PDCD6IP: variants seen among roughly 807,000 people sequenced by gnomAD.
PDCD6IP encodes programmed cell death 6-interacting protein.
A neutral mutation model predicts 103.7 loss-of-function variants in PDCD6IP; 43 were observed. The ratio of observed to expected loss-of-function variants is 0.41; its 90% CI spans 0.32 to 0.53. PDCD6IP has a LOEUF of 0.53. Among genes scored for constraint, PDCD6IP ranks in the 20% least tolerant of loss-of-function variants. PDCD6IP has a pLI of 0.16. For synonymous variants in PDCD6IP, 354 were observed against 378.7 expected (o/e 0.93, Z 0.76); for missense variants, 871 against 1,036.7 (o/e 0.84, Z 2.20).
chr3:33,825,239 G>T lies in PDCD6IP; in HGVS notation c.515G>T (p.Ser172Ile). The change falls in exon 5 of 18, where the codon AGT (serine) becomes ATT (isoleucine). Residue 172 changes from serine to isoleucine, a missense_variant. By Grantham distance (142) the Ser-to-Ile change is moderately radical. Around this residue, in one of 5 missense-constraint regions of PDCD6IP, gnomAD observed 242 missense variants for 250.7 expected, o/e 0.97. Coordinates refer to ENST00000307296, the MANE Select transcript of PDCD6IP (RefSeq NM_013374.6). ...AAAGAGACGGTTTTATCTGCCTTAA[G>T]TCGAGAGCCGACCGTGGACATATCT... is the stretch of plus-strand genomic sequence containing the variant. Reference protein sequence around the residue: ...HIKETVLSALSREPTVDISPD... With the variant: ...HIKETVLSALIREPTVDISPD... 1 of 1,613,572 alleles carries T rather than the reference G, an allele frequency of 6.2e-7. No homozygotes were observed. Among genetic ancestry groups the T allele is most frequent in the Non-Finnish European group, 8.5e-7 (1 of 1,179,848 alleles).
chr3:33,838,450 CACACTT>C (rs1697399520), intron 9 of PDCD6IP, 123 bp downstream of exon 9: 1 of 858,550 alleles, frequency 1.2e-6, no homozygotes, highest in Non-Finnish European at 1.8e-6. Flanking sequence ...AATGTAGACA[CACACTT>C]ACAACTATTT....
At chr3:33,834,751 C>A (rs1223548370) in intron 7 of PDCD6IP, among the ~76,000 whole-genome samples, 1 of 152,158 alleles carries the variant, frequency 6.6e-6, no homozygotes, top group Admixed American at 6.5e-5. Flanking sequence ...GTGTTTTAGA[C>A]TTGCCTTATC....
In PDCD6IP at chr3:33,843,877, C is replaced by CTT. The variant is rs553570346; in HGVS notation, c.1360-222_1360-221dup. Reference sequence around the variant, plus strand: ...GTAAATAGTCTCTTATTTATTCCTCCTTTTTTTTTTTTTTACTGAGAAAGG... The same window carrying CTT: ...GTAAATAGTCTCTTATTTATTCCTCCTTTTTTTTTTTTTTTTACTGAGAAAGG... On this transcript the variant is annotated intron_variant, in intron 10 of 17. Transcript: ENST00000307296. 3.5e-3 allele frequency among the ~76,000 whole-genome samples: 494 copies of CTT among 140,808 alleles called. 5 individuals are homozygous for CTT. The highest frequency in any genetic ancestry group is 0.01 in the African/African-American group (387 of 38,540). 92.4% of individuals were successfully genotyped at this position (140,808 alleles called of 152,430 possible). A position where few individuals can be genotyped will look rare whatever the true frequency, so the allele number is the denominator to read the frequency against.
At chr3:33,849,064 G>A (rs1238596041) in intron 12 of PDCD6IP, among the ~76,000 whole-genome samples, 3 of 152,176 alleles carry the variant, frequency 2.0e-5, no homozygotes, top group Non-Finnish European at 4.4e-5. Context: ...AGAGACTGTG[G>A]CCTACTGAGG....
chr3:33,868,097 T>G lies in PDCD6IP; in HGVS notation c.*1572T>G, dbSNP rs185533992. The G allele has an allele frequency of 3.9e-5, 6 of 152,334 alleles. No individual in the cohort carries two copies. The highest frequency in any genetic ancestry group is 1.4e-4 in the African/African-American group (6 of 41,580). The allele number at this position is 152,334 out of a possible 1,614,324, so 9.4% of individuals were successfully genotyped here. On this transcript the variant is annotated 3_prime_UTR_variant, in exon 18 of 18. Coordinates refer to ENST00000307296, the MANE Select transcript of PDCD6IP (RefSeq NM_013374.6). Reference sequence around the variant, plus strand: ...GGTTTAAAGTCCAATAGTTAAACCTTAGCAAAAATAGCTTTTTACTTCATC... The same window carrying G: ...GGTTTAAAGTCCAATAGTTAAACCTGAGCAAAAATAGCTTTTTACTTCATC...
chr3:33,845,365 A>G, intron 11 of PDCD6IP, 54 bp from the exon 12 acceptor site: 7 of 1,375,806 alleles, frequency 5.1e-6, no homozygotes, highest in Non-Finnish European at 7.1e-6. Context: ...ACCAGCCGAT[A>G]AACGTTGCTG....
In PDCD6IP at chr3:33,866,644, G is replaced by C. The variant is rs1280074175; in HGVS notation, c.*119G>C. ...AATGTACTCTCCTGGACTGAATGCAGTGTATAATTTCTGTCTACAGCTAGA... is the reference window on the plus strand; with the variant it reads ...AATGTACTCTCCTGGACTGAATGCACTGTATAATTTCTGTCTACAGCTAGA... On this transcript the variant is annotated 3_prime_UTR_variant, in exon 18 of 18. Transcript: ENST00000307296. 6.8e-6 allele frequency: 5 copies of C among 734,934 alleles called. No individual in the cohort carries two copies. The highest frequency in any genetic ancestry group is 1.0e-5 in the Non-Finnish European group (5 of 491,650). 45.5% of individuals were successfully genotyped at this position (734,934 alleles called of 1,614,324 possible).
rs1698136487 is a variant in PDCD6IP at position 33,869,337 on chromosome 3, A to G, written c.*2812A>G. ...ATCTCACTTTTTAAAGACGTTTGCA[A>G]TTATTAGTTGATTCACAGTACAGAA... On this transcript the variant is annotated 3_prime_UTR_variant, in exon 18 of 18. Coordinates refer to ENST00000307296, the MANE Select transcript of PDCD6IP (RefSeq NM_013374.6). 6.6e-6 allele frequency: 1 copy of G among 152,202 alleles called. No homozygotes were observed. Among genetic ancestry groups the G allele is most frequent in the Non-Finnish European group, 1.5e-5 (1 of 68,032 alleles). The allele number at this position is 152,202 out of a possible 1,614,324, so 9.4% of individuals were successfully genotyped here.
chr3:33,855,297 A>C, intron 15 of PDCD6IP, 37 bp downstream of exon 15: 1 of 1,290,170 alleles, frequency 7.8e-7, no homozygotes, highest in Non-Finnish European at 1.1e-6. Flanking sequence ...TACTTAAAGA[A>C]TTTTCTTTTA....
At chr3:33,846,148 G>A (rs1006899318) in intron 12 of PDCD6IP, among the ~76,000 whole-genome samples, 14 of 152,288 alleles carry the variant, frequency 9.2e-5, no homozygotes, top group Admixed American at 2.6e-4. Flanking sequence ...ACCTATCACA[G>A]GGAGATAGGG....
rs1445816670 is a variant in PDCD6IP, at chr3:33,868,320, G to A, written c.*1795G>A. 1 of 152,160 alleles carries A rather than the reference G, an allele frequency of 6.6e-6. No homozygotes were observed. The highest frequency in any genetic ancestry group is 2.4e-5 in the African/African-American group (1 of 41,426). The allele number at this position is 152,160 out of a possible 1,614,324, so 9.4% of individuals were successfully genotyped here. A position where few individuals can be genotyped will look rare whatever the true frequency, so the allele number is the denominator to read the frequency against. On this transcript the variant is annotated 3_prime_UTR_variant, in exon 18 of 18. Coordinates refer to ENST00000307296, the MANE Select transcript of PDCD6IP (RefSeq NM_013374.6). Reference sequence around the variant, plus strand: ...AGAAACAAGGAAAAAAGCAAAATTGGCCTGAATATTCTCTTGGGGAAAGAG... The same window carrying A: ...AGAAACAAGGAAAAAAGCAAAATTGACCTGAATATTCTCTTGGGGAAAGAG...
chr3:33,816,675 T>C (rs955598458), intron 3 of PDCD6IP, among the ~76,000 whole-genome samples: 1 of 152,022 alleles, frequency 6.6e-6, no homozygotes, highest in Non-Finnish European at 1.5e-5. Flanking sequence ...GTATCCTGAA[T>C]AAGCATCAGA....
intron 9 of PDCD6IP, among the ~76,000 whole-genome samples, chr3:33,839,737 C>A (rs1312877534): frequency 2.6e-5 from 4 of 152,190 alleles, no homozygotes; most frequent in Non-Finnish European, 5.9e-5. Flanking sequence ...TTTGAAAATA[C>A]AATTGTTCTG....
Position 33,825,354 on chromosome 3 carries a change from A to T in PDCD6IP, c.616+14A>T, listed in dbSNP as rs764273212. 5.1e-6 allele frequency: 8 copies of T among 1,580,794 alleles called. No individual in the cohort carries two copies. Among genetic ancestry groups the T allele is most frequent in the African/African-American group, 1.4e-5 (1 of 72,652 alleles). ...AAGCCACAAGAGGTAACTCCAATTT[A>T]TCTTTTTGTTGCATGTGAAAAAAAG... On this transcript the variant is annotated intron_variant, in intron 5 of 17. Coordinates refer to ENST00000307296, the MANE Select transcript of PDCD6IP (RefSeq NM_013374.6).
chr3:33,860,574 C>T (rs191954816), intron 15 of PDCD6IP, among the ~76,000 whole-genome samples: 21 of 152,312 alleles, frequency 1.4e-4, no homozygotes, highest in Admixed American at 5.9e-4. Context: ...AGGGCAACCG[C>T]TATCCTAACT....
At chr3:33,805,859 C>G (rs1304549279) in intron 1 of PDCD6IP, among the ~76,000 whole-genome samples, 3 of 152,126 alleles carry the variant, frequency 2.0e-5, no homozygotes, top group Non-Finnish European at 4.4e-5. Context: ...ATTCTCCTGC[C>G]TCAGCCTACC....
At chr3:33,847,899 A>G (rs1359244325) in intron 12 of PDCD6IP, among the ~76,000 whole-genome samples, 1 of 152,162 alleles carries the variant, frequency 6.6e-6, no homozygotes, top group African/African-American at 2.4e-5. Flanking sequence ...AGAGGAAGGA[A>G]CATGTATTTT....
intron 2 of PDCD6IP, among the ~76,000 whole-genome samples, chr3:33,812,446 C>T (rs1696740785): frequency 6.6e-6 from 1 of 152,198 alleles, no homozygotes; most frequent in African/African-American, 2.4e-5. Context: ...GGAAACTGCA[C>T]AATTCAGGAA....
At chr3:33,846,858 T>G (rs549681021) in intron 12 of PDCD6IP, among the ~76,000 whole-genome samples, 22 of 152,320 alleles carry the variant, frequency 1.4e-4, no homozygotes, top group African/African-American at 5.1e-4. Context: ...CCTTGGTCCC[T>G]AACATAAAGA....
Sources: allele counts gnomAD v4.1 joint callset (sites outside exome capture counted in the v4.1 genomes callset), GRCh38; gene constraint gnomAD v4.1.1; regional missense constraint gnomAD v4.1.1; transcripts MANE v1.5; gene names NCBI Gene and HGNC (gene_info 2026-07-23, HGNC 2026-07-21).